Variants in ZNF680 observed in about 807,000 individuals in gnomAD.
ZNF680 encodes the protein zinc finger protein 680, also known as hypothetical protein FLJ90430.
A neutral mutation model predicts 12.1 loss-of-function variants in ZNF680; 6 were observed. The ratio of observed to expected loss-of-function variants is 0.49; its 90% CI spans 0.27 to 0.98. ZNF680 has a LOEUF of 0.98. Among genes scored for constraint, ZNF680 ranks in the 50% least tolerant of loss-of-function variants. The pLI, the probability that ZNF680 is intolerant of heterozygous loss-of-function variation, is 0.12. For missense variants in ZNF680, 561 were observed against 616.3 expected (o/e 0.91, Z 0.95); for synonymous variants, 170 against 199.3 (o/e 0.85, Z 1.24).
At chr7:64,562,290 G>C (rs1267042221) in intron 1 of ZNF680, among the ~76,000 whole-genome samples, 1 of 151,296 alleles carries the variant, frequency 6.6e-6, no homozygotes, top group Non-Finnish European at 1.5e-5. Context: ...GTATTACATT[G>C]GGGGAAATAA....
At chr7:64,526,409 G>C in intron 3 of ZNF680, 1 of 1,487,160 alleles carries the variant, frequency 6.7e-7, no homozygotes, top group Non-Finnish European at 9.0e-7. Flanking sequence ...CTACATAGTA[G>C]CCTGGCAAAG....
the ZNF680 span, among the ~76,000 whole-genome samples, chr7:64,512,734 G>C: frequency 6.6e-6 from 1 of 151,752 alleles, no homozygotes; most frequent in Non-Finnish European, 1.5e-5. Context: ...TTAAAAACTG[G>C]CAAGTAAAAA....
intron 3 of ZNF680, among the ~76,000 whole-genome samples, chr7:64,530,757 G>A (rs1424405815): frequency 6.6e-6 from 1 of 151,844 alleles, no homozygotes; most frequent in Non-Finnish European, 1.5e-5. Context: ...TACTCGGGAG[G>A]CTGAGGAGGA....
At chr7:64,499,685 A>G in the ZNF680 span, among the ~76,000 whole-genome samples, 1 of 152,332 alleles carries the variant, frequency 6.6e-6, no homozygotes, top group South Asian at 2.1e-4. Context: ...TGGAGGTTGC[A>G]GTGAGCGGAG....
At chr7:64,510,643 G>A in the ZNF680 span, among the ~76,000 whole-genome samples, 7 of 151,488 alleles carry the variant, frequency 4.6e-5, no homozygotes, top group Non-Finnish European at 8.8e-5. Context: ...GGGCGCGGTG[G>A]TTCACGCCTG....
chr7:64,509,419 C>T, the ZNF680 span, among the ~76,000 whole-genome samples: 1 of 152,148 alleles, frequency 6.6e-6, no homozygotes, highest in Non-Finnish European at 1.5e-5. Flanking sequence ...CTGTCCCCAA[C>T]AAAGAAAGGC....
chr7:64,520,708 T>C lies in ZNF680; in HGVS notation c.*453A>G, dbSNP rs1402529329. On this transcript the variant is annotated 3_prime_UTR_variant, in exon 4 of 4. Transcript: ENST00000309683. The stretch of plus-strand genomic sequence containing the variant: ...GTTTGAGCAACTGCTTCAGTGTTTT[T>C]CTCTAGTACAAAATGCGTACAATAA... 5 of 152,228 alleles carry C rather than the reference T, an allele frequency of 3.3e-5. No individual in the cohort carries two copies. The highest frequency in any genetic ancestry group is 1.2e-4 in the African/African-American group (5 of 41,436). The allele number at this position is 152,228 out of a possible 1,614,324, so 9.4% of individuals were successfully genotyped here. A position where few individuals can be genotyped will look rare whatever the true frequency, so the allele number is the denominator to read the frequency against.
At chr7:64,515,235 T>A (rs1405262161), downstream of ZNF680, among the ~76,000 whole-genome samples, 1 of 152,078 alleles carries the variant, frequency 6.6e-6, no homozygotes, top group Non-Finnish European at 1.5e-5. Flanking sequence ...ACTAGTTAAA[T>A]TATTCTTGAC....
the ZNF680 span, among the ~76,000 whole-genome samples, chr7:64,513,663 T>A: frequency 2.0e-5 from 3 of 149,128 alleles, no homozygotes; most frequent in African/African-American, 4.9e-5. Flanking sequence ...TTTTTTTTTT[T>A]AAGATAGATT....
the ZNF680 span, among the ~76,000 whole-genome samples, chr7:64,502,733 G>A: frequency 0.23 from 34,314 of 152,028 alleles, 4,061 homozygotes; most frequent in South Asian, 0.29. Flanking sequence ...ACCTTAACAC[G>A]TAAGTTATTC....
At chr7:64,505,014 T>C in the ZNF680 span, among the ~76,000 whole-genome samples, 3 of 152,200 alleles carry the variant, frequency 2.0e-5, no homozygotes, top group Non-Finnish European at 4.4e-5. Flanking sequence ...CCTATCAAAA[T>C]TCTTGTATTG....
chr7:64,540,303 C>CTTT (rs61265238), intron 3 of ZNF680, among the ~76,000 whole-genome samples: 15 of 129,124 alleles, frequency 1.2e-4, no homozygotes, highest in African/African-American at 4.0e-4. Context: ...CTGATTTATC[C>CTTT]TTTTTTTTTT....
At chr7:64,561,016 CTCT>C (rs1334327042) in intron 1 of ZNF680, 2 of 152,116 alleles carry the variant, frequency 1.3e-5, no homozygotes, top group African/African-American at 4.8e-5. Flanking sequence ...TTGTCTTTCA[CTCT>C]TTTTTCATCA....
the ZNF680 span, among the ~76,000 whole-genome samples, chr7:64,505,427 A>G: frequency 3.3e-5 from 5 of 152,222 alleles, no homozygotes; most frequent in Non-Finnish European, 7.3e-5. Flanking sequence ...TGTAAAAACT[A>G]TTTAAATAAT....
rs773466775 is a variant in ZNF680 at position 64,521,281 on chromosome 7, T to A, written c.1473A>T (p.Lys491Asn). ...KRIHAREKPYKCEECGKAFNR... is the reference protein window; with the variant it reads ...KRIHAREKPYNCEECGKAFNR... ...TAAAAGCTTTGCCACATTCTTCACA[T>A]TTGTAGGGTTTCTCTCTAGCATGAA... Residue 491 changes from lysine to asparagine, a missense_variant, in exon 4 of 4, where the codon AAA becomes AAT. Transcript: ENST00000309683. The A allele has an allele frequency of 6.2e-7, 1 of 1,613,758 alleles. No homozygotes were observed. The highest frequency in any genetic ancestry group is 1.3e-5 in the African/African-American group (1 of 75,012).
chr7:64,531,170 G>A (rs1249527839), intron 3 of ZNF680, among the ~76,000 whole-genome samples: 1 of 152,074 alleles, frequency 6.6e-6, no homozygotes, highest in African/African-American at 2.4e-5. Context: ...AACAACCGCA[G>A]AATACACATT....
At chr7:64,533,026 A>C (rs1785969638) in intron 3 of ZNF680, among the ~76,000 whole-genome samples, 1 of 152,202 alleles carries the variant, frequency 6.6e-6, no homozygotes, top group African/African-American at 2.4e-5. Flanking sequence ...CCTCCACGTA[A>C]TAAAAGTCAT....
At chr7:64,535,588 A>C (rs1786122238) in intron 3 of ZNF680, among the ~76,000 whole-genome samples, 1 of 152,186 alleles carries the variant, frequency 6.6e-6, no homozygotes, top group Non-Finnish European at 1.5e-5. Context: ...ATCTTATTTC[A>C]TGCCAATAGT....
In ZNF680 at chr7:64,533,557, G is replaced by C. The variant is rs564801540; in HGVS notation, c.253+10150C>G. ...GAAACACATTTTATGCTTATGGATA[G>C]GTAGAATTAATCTTGTGGAAAATGA... On this transcript the variant is annotated intron_variant, in intron 3 of 3. Coordinates refer to ENST00000309683, the MANE Select transcript of ZNF680 (RefSeq NM_178558.5). Among the ~76,000 whole-genome samples, 123 of 152,116 alleles carry C rather than the reference G, an allele frequency of 8.1e-4. 1 individual carries two copies. Among genetic ancestry groups the C allele is most frequent in the African/African-American group, 2.9e-3 (119 of 41,500 alleles).
Sources: gnomAD v4.1 joint callset for allele counts (sites outside exome capture counted in the v4.1 genomes callset) on GRCh38, gnomAD v4.1.1 for gene constraint, MANE v1.5 for transcripts, NCBI Gene and HGNC (gene_info 2026-07-23, HGNC 2026-07-21) for gene names.